The following KLF12 variants were observed in gnomAD, a reference collection of about 807,000 sequenced individuals.
The protein encoded by KLF12 is KLF transcription factor 12.
KLF12 carries 9 observed loss-of-function variants against 37.8 expected under a neutral mutation model. That is an observed-to-expected ratio of 0.24 (90% CI 0.14 to 0.42). The LOEUF is 0.42. Among genes scored for constraint, KLF12 ranks in the 10% least tolerant of loss-of-function variants. The probability of loss-of-function intolerance (pLI) is 1.00; values close to 1 mark genes in which losing one functional copy is unlikely to be tolerated. For synonymous variants in KLF12, 208 were observed against 202.1 expected (o/e 1.03, Z -0.25); for missense variants, 411 against 516.0 (o/e 0.80, Z 1.97).
chr13:73,827,724 G>C (rs183271037), intron 4 of KLF12, among the ~76,000 whole-genome samples: 2 of 151,988 alleles, frequency 1.3e-5, no homozygotes, highest in African/African-American at 4.8e-5. Flanking sequence ...CACCATGCTC[G>C]GCTAATTTTT....
At chr13:74,042,041 C>T (rs571699174) in intron 1 of KLF12, among the ~76,000 whole-genome samples, 1 of 152,150 alleles carries the variant, frequency 6.6e-6, no homozygotes, top group Admixed American at 6.5e-5. Context: ...TAGTGGCTCA[C>T]GCCTGTAATC....
chr13:73,824,079 C>T (rs1284772399), intron 4 of KLF12, among the ~76,000 whole-genome samples: 3 of 152,074 alleles, frequency 2.0e-5, no homozygotes, highest in South Asian at 2.1e-4. Flanking sequence ...ACCCTGAACA[C>T]GTTTCCATCA....
chr13:73,940,902 G>T (rs2139350407), intron 3 of KLF12, among the ~76,000 whole-genome samples: 1 of 152,258 alleles, frequency 6.6e-6, no homozygotes, highest in South Asian at 2.1e-4. Flanking sequence ...CCTTGGAGGG[G>T]TGGGGAGACA....
chr13:74,030,694 T>C (rs1451972339), intron 1 of KLF12, among the ~76,000 whole-genome samples: 1 of 152,142 alleles, frequency 6.6e-6, no homozygotes, highest in Admixed American at 6.6e-5. Flanking sequence ...TGCATTTATA[T>C]GTTAATACAA....
chr13:74,033,749 G>A (rs957945591), intron 1 of KLF12, among the ~76,000 whole-genome samples: 2 of 152,064 alleles, frequency 1.3e-5, no homozygotes, highest in African/African-American at 4.8e-5. Context: ...GAGAATAATT[G>A]TAGCTAAATC....
At chr13:74,010,534 C>T (rs1030716783) in intron 1 of KLF12, among the ~76,000 whole-genome samples, 1 of 152,164 alleles carries the variant, frequency 6.6e-6, no homozygotes, top group Non-Finnish European at 1.5e-5. Context: ...TTTTCACATC[C>T]ACAAATGGCT....
At chr13:74,263,491 A>T in the KLF12 span, among the ~76,000 whole-genome samples, 1 of 152,174 alleles carries the variant, frequency 6.6e-6, no homozygotes, top group African/African-American at 2.4e-5. Context: ...TTGACACTCA[A>T]CCTGTTACTC....
chr13:74,067,539 T>C (rs1873986725), intron 1 of KLF12, among the ~76,000 whole-genome samples: 1 of 152,144 alleles, frequency 6.6e-6, no homozygotes, highest in Non-Finnish European at 1.5e-5. Context: ...CAGTTGCTAA[T>C]CAGGTACCTA....
At chr13:74,219,483 A>C in the KLF12 span, among the ~76,000 whole-genome samples, 1 of 152,228 alleles carries the variant, frequency 6.6e-6, no homozygotes, top group Admixed American at 6.5e-5. Flanking sequence ...TGAAAAAATA[A>C]GCAATTCATA....
At chr13:73,853,816 T>C (rs1289456819) in intron 3 of KLF12, among the ~76,000 whole-genome samples, 1 of 151,892 alleles carries the variant, frequency 6.6e-6, no homozygotes, top group African/African-American at 2.4e-5. Flanking sequence ...GGAACATAAA[T>C]GTGTTCCAGA....
chr13:73,920,366 A>C (rs182418421), intron 3 of KLF12, among the ~76,000 whole-genome samples: 1 of 152,050 alleles, frequency 6.6e-6, no homozygotes, highest in Non-Finnish European at 1.5e-5. Flanking sequence ...CTAAGTGGAG[A>C]TAAGTCATCT....
chr13:73,919,702 T>C (rs922153260), intron 3 of KLF12, among the ~76,000 whole-genome samples: 3 of 152,180 alleles, frequency 2.0e-5, no homozygotes, highest in Admixed American at 2.0e-4. Flanking sequence ...TCCTCTAATT[T>C]CATTTGAATG....
At chr13:74,243,196 A>G in the KLF12 span, among the ~76,000 whole-genome samples, 1 of 152,096 alleles carries the variant, frequency 6.6e-6, no homozygotes, top group Non-Finnish European at 1.5e-5. Context: ...ATGAGTGAGA[A>G]CATGCGGTGT....
chr13:74,084,823 C>CA (rs11299513), intron 1 of KLF12, among the ~76,000 whole-genome samples: 181 of 149,204 alleles, frequency 1.2e-3, no homozygotes, highest in African/African-American at 3.3e-3. Context: ...ACAAAGGAGC[C>CA]AAAAAAAAAA....
At chr13:74,266,070 C>CTCCTCACT in the KLF12 span, among the ~76,000 whole-genome samples, 1 of 152,158 alleles carries the variant, frequency 6.6e-6, no homozygotes, top group African/African-American at 2.4e-5. Flanking sequence ...CAGATGTTGT[C>CTCCTCACT]TCCTCACTAA....
intron 3 of KLF12, among the ~76,000 whole-genome samples, chr13:73,929,194 T>G (rs1303302805): frequency 1.3e-5 from 2 of 152,198 alleles, no homozygotes; most frequent in Non-Finnish European, 2.9e-5. Flanking sequence ...GGAAATGCTT[T>G]CTGGAAGAGG....
At chr13:73,971,497 C>T (rs1230555275) in intron 2 of KLF12, among the ~76,000 whole-genome samples, 1 of 151,428 alleles carries the variant, frequency 6.6e-6, no homozygotes, top group Non-Finnish European at 1.5e-5. Context: ...CAGTTTAAGT[C>T]CACCTCCATG....
At chr13:73,784,176 T>G (rs1881157185) in intron 5 of KLF12, among the ~76,000 whole-genome samples, 1 of 152,188 alleles carries the variant, frequency 6.6e-6, no homozygotes, top group Non-Finnish European at 1.5e-5. Flanking sequence ...GCTTACCATC[T>G]GCAGTGGGTG....
At chr13:74,217,626 C>T in the KLF12 span, among the ~76,000 whole-genome samples, 4 of 152,086 alleles carry the variant, frequency 2.6e-5, no homozygotes, top group Non-Finnish European at 4.4e-5. Context: ...ACTCAGGAGG[C>T]TGAGGCAGGA....
Sources: gnomAD v4.1 joint callset for allele counts (sites outside exome capture counted in the v4.1 genomes callset) on GRCh38, gnomAD v4.1.1 for gene constraint, MANE v1.5 for transcripts, NCBI Gene and HGNC (gene_info 2026-07-23, HGNC 2026-07-21) for gene names.